Variants in ATRNL1 observed in about 807,000 individuals in gnomAD.
The protein encoded by ATRNL1 is attractin-like protein 1.
Under a neutral mutation model 182.7 loss-of-function variants are expected in ATRNL1, and 95 were observed. The observed-to-expected ratio is 0.52, with a 90% CI of 0.44 to 0.62. The LOEUF (loss-of-function observed/expected upper bound fraction) is 0.62. Ranked by LOEUF, ATRNL1 falls within the 20% of genes least tolerant of loss-of-function variation. ATRNL1 has a pLI of 0.00. For missense variants in ATRNL1, 1,471 were observed against 1,679.5 expected, an observed-to-expected ratio of 0.88 and a Z score of 2.17; for synonymous variants, 576 against 568.3, an observed-to-expected ratio of 1.01 and a Z score of -0.19.
chr10:115,222,255 A>G (rs1444695555), intron 9 of ATRNL1, among the ~76,000 whole-genome samples: 2 of 152,184 alleles, frequency 1.3e-5, no homozygotes, highest in Non-Finnish European at 2.9e-5. Context: ...AGAAGGAAAC[A>G]TCCAGAAGGA....
At chr10:115,921,188 C>A (rs1175268141) in intron 28 of ATRNL1, among the ~76,000 whole-genome samples, 1 of 152,060 alleles carries the variant, frequency 6.6e-6, no homozygotes, top group African/African-American at 2.4e-5. Context: ...GCAATCACAC[C>A]ACCTGCTTTT....
At chr10:115,387,947 G>A (rs1843753097) in intron 19 of ATRNL1, among the ~76,000 whole-genome samples, 1 of 152,040 alleles carries the variant, frequency 6.6e-6, no homozygotes, top group African/African-American at 2.4e-5. Context: ...AAGGAAATTT[G>A]TGTTTATTAT....
intron 25 of ATRNL1, among the ~76,000 whole-genome samples, chr10:115,545,589 T>C (rs1272271988): frequency 6.6e-6 from 1 of 152,140 alleles, no homozygotes; most frequent in African/African-American, 2.4e-5. Flanking sequence ...AGTCATAAAG[T>C]TTAGATAAGA....
intron 16 of ATRNL1, among the ~76,000 whole-genome samples, chr10:115,300,957 A>G (rs551171203): frequency 9.9e-5 from 15 of 152,202 alleles, no homozygotes; most frequent in African/African-American, 3.4e-4. Flanking sequence ...CTATGAATTT[A>G]CTACTTCAGG....
chr10:115,785,461 C>G (rs139836995), intron 27 of ATRNL1, among the ~76,000 whole-genome samples: 3,206 of 152,302 alleles, frequency 0.021, 45 homozygotes, highest in Non-Finnish European at 0.028. Flanking sequence ...CCTAGCAGTG[C>G]TTGTTGGTAT....
At chr10:115,403,478 C>T (rs1440119951) in intron 20 of ATRNL1, among the ~76,000 whole-genome samples, 5 of 151,940 alleles carry the variant, frequency 3.3e-5, no homozygotes, top group Non-Finnish European at 7.4e-5. Context: ...TGTTTTGAGA[C>T]AAAGTCTAGC....
chr10:115,848,231 A>G (rs190045732), intron 28 of ATRNL1, among the ~76,000 whole-genome samples: 1 of 152,306 alleles, frequency 6.6e-6, no homozygotes, highest in Admixed American at 6.5e-5. Context: ...TTTGTGTATT[A>G]TACACACATG....
intron 27 of ATRNL1, among the ~76,000 whole-genome samples, chr10:115,790,667 A>G (rs1372870985): frequency 1.3e-5 from 2 of 151,820 alleles, no homozygotes; most frequent in African/African-American, 2.4e-5. Flanking sequence ...AACTGAATAT[A>G]TTGGTGTCAG....
chr10:115,637,620 ATT>A (rs1196162328), intron 26 of ATRNL1, among the ~76,000 whole-genome samples: 1 of 147,598 alleles, frequency 6.8e-6, no homozygotes, highest in Non-Finnish European at 1.5e-5. Flanking sequence ...TATTATTATT[ATT>A]ATTATTATTA....
At chr10:115,763,378 T>A (rs1378403299) in intron 27 of ATRNL1, among the ~76,000 whole-genome samples, 4 of 152,170 alleles carry the variant, frequency 2.6e-5, no homozygotes, top group Admixed American at 6.5e-5. Flanking sequence ...GTATTCTCTG[T>A]GAACAAAAAG....
chr10:115,178,297 C>A (rs962906533), intron 8 of ATRNL1, among the ~76,000 whole-genome samples: 1 of 151,962 alleles, frequency 6.6e-6, no homozygotes, highest in African/African-American at 2.4e-5. Flanking sequence ...GTGACAGTGA[C>A]AACAAGACTT....
chr10:115,884,784 T>C (rs1016788325), intron 28 of ATRNL1, among the ~76,000 whole-genome samples: 1 of 152,242 alleles, frequency 6.6e-6, no homozygotes, highest in Admixed American at 6.5e-5. Context: ...GAATAGTGAA[T>C]AATTGAGCAT....
chr10:115,393,287 A>G (rs1844121277), intron 19 of ATRNL1, among the ~76,000 whole-genome samples: 1 of 152,218 alleles, frequency 6.6e-6, no homozygotes. Flanking sequence ...TATTTCACTT[A>G]GGTATACAGT....
In ATRNL1 at chr10:115,093,642, G is replaced by A. The variant is rs1164730834; in HGVS notation, c.-109G>A. On this transcript the variant is annotated 5_prime_UTR_variant, in exon 1 of 29. Coordinates refer to ENST00000355044, the MANE Select transcript of ATRNL1 (RefSeq NM_207303.4). The surrounding 1 kb of genome is among the most constrained non-coding windows in gnomAD (Gnocchi z 6.1). ...CGGGACTCGGACGGGCGCCGGTGAG[G>A]AGGAGGAGAAGCGGCGGCGGAGAGG... 4.7e-5 allele frequency: 58 copies of A among 1,241,266 alleles called. No homozygotes were observed. The highest frequency in any genetic ancestry group is 2.7e-4 in the Admixed American group (13 of 48,052). 76.9% of individuals were successfully genotyped at this position (1,241,266 alleles called of 1,614,324 possible). A position where few individuals can be genotyped will look rare whatever the true frequency, so the allele number is the denominator to read the frequency against.
chr10:115,519,151 T>C (rs1554984569), intron 24 of ATRNL1, 112 bp from the exon 25 acceptor site: 1 of 868,084 alleles, frequency 1.2e-6, no homozygotes, highest in Admixed American at 2.4e-5. Context: ...TATAATATCA[T>C]GATCCAAATG....
intron 8 of ATRNL1, among the ~76,000 whole-genome samples, chr10:115,201,328 A>T (rs1293317119): frequency 6.6e-6 from 1 of 152,050 alleles, no homozygotes; most frequent in East Asian, 1.9e-4. Flanking sequence ...TGAATGGTAA[A>T]GCCTAGGTTT....
intron 28 of ATRNL1, among the ~76,000 whole-genome samples, 166 bp downstream of exon 28, chr10:115,848,157 T>C (rs934004798): frequency 2.0e-5 from 3 of 152,184 alleles, no homozygotes; most frequent in Non-Finnish European, 4.4e-5. Context: ...TCTAGATACC[T>C]GCATTGTTAT....
chr10:115,723,745 A>T (rs1481713088), intron 26 of ATRNL1, among the ~76,000 whole-genome samples: 2 of 151,824 alleles, frequency 1.3e-5, no homozygotes, highest in Non-Finnish European at 2.9e-5. Flanking sequence ...TTTAGCAGAG[A>T]CAGGATTTCA....
chr10:115,244,229 A>T (rs527993148), intron 10 of ATRNL1, among the ~76,000 whole-genome samples: 1 of 152,274 alleles, frequency 6.6e-6, no homozygotes, highest in Non-Finnish European at 1.5e-5. Flanking sequence ...TTAAACAGGA[A>T]TATTTGTACC....
Sources: allele counts gnomAD v4.1 joint callset (sites outside exome capture counted in the v4.1 genomes callset), GRCh38; gene constraint gnomAD v4.1.1; non-coding constraint Gnocchi (gnomAD v3.1); transcripts MANE v1.5; gene names NCBI Gene and HGNC (gene_info 2026-07-23, HGNC 2026-07-21).